CDK19: variants seen among roughly 807,000 people sequenced by gnomAD.
The protein encoded by CDK19 is cyclin dependent kinase 19.
A neutral mutation model predicts 68.3 loss-of-function variants in CDK19; 20 were observed. The observed-to-expected ratio is 0.29, with a 90% CI of 0.21 to 0.43. The LOEUF is 0.43. Ranked by LOEUF, CDK19 falls within the 20% of genes least tolerant of loss-of-function variation. The pLI, the probability that CDK19 is intolerant of heterozygous loss-of-function variation, is 1.00. For synonymous variants in CDK19, 221 were observed against 222.8 expected (o/e 0.99, Z 0.07); for missense variants, 339 against 623.5 (o/e 0.54, Z 4.86).
chr6:110,760,777 C>T (rs1583041011), intron 1 of CDK19, among the ~76,000 whole-genome samples: 1 of 152,154 alleles, frequency 6.6e-6, no homozygotes, highest in Non-Finnish European at 1.5e-5. Context: ...GAAGCAGGTA[C>T]TATTAACCAT....
chr6:110,814,868 T>C, intron 1 of CDK19, 141 bp downstream of exon 1: 1 of 1,104,526 alleles, frequency 9.1e-7, no homozygotes, highest in South Asian at 1.4e-5. Flanking sequence ...CCCCTCGGAG[T>C]CGGTGTCCGG....
intron 1 of CDK19, among the ~76,000 whole-genome samples, chr6:110,798,628 G>GAAAAAAAAA (rs59236293): frequency 3.0e-4 from 17 of 56,622 alleles, no homozygotes; most frequent in East Asian, 5.4e-4. Flanking sequence ...TCTGTCTCCA[G>GAAAAAAAAA]AAAAAAAAAA....
Position 110,641,607 on chromosome 6 carries a change from A to AG in CDK19, c.457-2902_457-2901insC, listed in dbSNP as rs200117089. Among the ~76,000 whole-genome samples the AG allele has an allele frequency of 0.018, 2,616 of 142,606 alleles. 320 individuals are homozygous for AG. The East Asian group carries it at 0.34, about 19-fold the overall frequency. The allele number at this position is 142,606 out of a possible 152,430, so 93.6% of individuals were successfully genotyped here. A position where few individuals can be genotyped will look rare whatever the true frequency, so the allele number is the denominator to read the frequency against. Reference sequence around the variant, plus strand: ...GAGACTCCATCAAAAAAAAAAAAAAAAAAGAAAAAGAAAGGAGAGGAAAGG... The same window carrying AG: ...GAGACTCCATCAAAAAAAAAAAAAAAGAAAGAAAAAGAAAGGAGAGGAAAGG... On this transcript the variant is annotated intron_variant, in intron 4 of 12. Coordinates refer to ENST00000368911, the MANE Select transcript of CDK19 (RefSeq NM_015076.5).
At chr6:110,668,692 C>T (rs958634400) in intron 3 of CDK19, among the ~76,000 whole-genome samples, 2 of 151,950 alleles carry the variant, frequency 1.3e-5, no homozygotes, top group East Asian at 1.9e-4. Context: ...ATTAGCTGGG[C>T]GTAGTGGTGT....
intron 2 of CDK19, among the ~76,000 whole-genome samples, chr6:110,676,704 T>G (rs1423035349): frequency 1.3e-5 from 2 of 152,198 alleles, no homozygotes; most frequent in African/African-American, 4.8e-5. Context: ...AATGTATTTT[T>G]TAATTAAGAT....
chr6:110,745,797 T>C (rs1778034113), intron 2 of CDK19, among the ~76,000 whole-genome samples: 2 of 151,884 alleles, frequency 1.3e-5, no homozygotes, highest in Non-Finnish European at 1.5e-5. Flanking sequence ...GGAGACCTCT[T>C]CTCTACAAAA....
At chr6:110,738,636 A>G (rs961429941) in intron 2 of CDK19, among the ~76,000 whole-genome samples, 6 of 152,202 alleles carry the variant, frequency 3.9e-5, no homozygotes, top group Non-Finnish European at 7.3e-5. Flanking sequence ...TAATAAAATA[A>G]TTTTAAGCTT....
At position 110,621,096 on chromosome 6, in the gene CDK19, G is replaced by C. The variant is rs1240133693; in HGVS notation, c.1377+8C>G. 6.2e-7 allele frequency: 1 copy of C among 1,608,672 alleles called. No homozygotes were observed. Among genetic ancestry groups the C allele is most frequent in the Admixed American group, 1.7e-5 (1 of 59,506 alleles). On this transcript the variant is annotated splice_region_variant and intron_variant, in intron 12 of 12. Coordinates refer to ENST00000368911, the MANE Select transcript of CDK19 (RefSeq NM_015076.5). The surrounding 1 kb of genome is among the most constrained non-coding windows in gnomAD (Gnocchi z 5.4). ...AAAGCATATGAACATTAGACATTCA[G>C]GGAGTACCTGATAATCCGAGGGCAT...
At chr6:110,767,075 G>A (rs1027127891) in intron 1 of CDK19, among the ~76,000 whole-genome samples, 2 of 151,946 alleles carry the variant, frequency 1.3e-5, no homozygotes, top group Admixed American at 1.3e-4. Flanking sequence ...GGAGGTTGCA[G>A]TGAGCCAAGA....
chr6:110,626,850 C>CA lies in CDK19; in HGVS notation c.791-6dup. 2 of 1,521,794 alleles carry CA rather than the reference C, an allele frequency of 1.3e-6. No homozygotes were observed. Among genetic ancestry groups the CA allele is most frequent in the Non-Finnish European group, 1.8e-6 (2 of 1,120,418 alleles). 94.3% of individuals were successfully genotyped at this position (1,521,794 alleles called of 1,614,324 possible). On this transcript the variant is annotated splice_region_variant and splice_polypyrimidine_tract_variant and intron_variant, in intron 7 of 12. Coordinates refer to ENST00000368911, the MANE Select transcript of CDK19 (RefSeq NM_015076.5). ...TAATATCTTCCCAGTCTTTATCTTA[C>CA]AAAAAAATTAAATATTGTTATAGAA...
At chr6:110,734,632 G>C (rs1582982060) in intron 2 of CDK19, among the ~76,000 whole-genome samples, 1 of 144,714 alleles carries the variant, frequency 6.9e-6, no homozygotes, top group Non-Finnish European at 1.5e-5. Context: ...CACCTGGCTA[G>C]CCCCTATTAG....
chr6:110,614,551 T>C lies in CDK19; in HGVS notation c.1493A>G (p.Gln498Arg), dbSNP rs1171590583. The change falls in exon 13 of 13, where the codon CAG becomes CGG. Residue 498 changes from glutamine to arginine, a missense_variant. Gln to Arg is a conservative substitution (Grantham distance 43). Transcript: ENST00000368911. ...GGGAGCTGGTCAGTACCGGTGGGCC[T>C]GGTGAGATGGGTGGTACTGTGAGCT... ...QQSSQYHPSH[Q>R]AHRY 1.2e-6 allele frequency: 2 copies of C among 1,613,916 alleles called. No homozygotes were observed. The highest frequency in any genetic ancestry group is 2.2e-5 in the South Asian group (2 of 91,058).
At chr6:110,787,268 G>C (rs1781287159) in intron 1 of CDK19, among the ~76,000 whole-genome samples, 1 of 152,046 alleles carries the variant, frequency 6.6e-6, no homozygotes, top group Non-Finnish European at 1.5e-5. Flanking sequence ...CAGCTACTTG[G>C]GAGGCTGAGG....
intron 4 of CDK19, among the ~76,000 whole-genome samples, chr6:110,651,767 C>T (rs1582782205): frequency 6.6e-6 from 1 of 152,116 alleles, no homozygotes. Flanking sequence ...TGAATAATAT[C>T]AAAACAATCA....
intron 1 of CDK19, among the ~76,000 whole-genome samples, chr6:110,778,773 TC>T (rs1269897226): frequency 6.6e-6 from 1 of 152,152 alleles, no homozygotes; most frequent in Non-Finnish European, 1.5e-5. Context: ...CTACGACTGG[TC>T]AATTAGCTAG....
intron 1 of CDK19, among the ~76,000 whole-genome samples, chr6:110,779,434 T>A (rs1273110002): frequency 6.6e-6 from 1 of 152,148 alleles, no homozygotes; most frequent in Non-Finnish European, 1.5e-5. Flanking sequence ...TATGAAACTA[T>A]AATGTAATGT....
chr6:110,611,693 G>A lies in CDK19; in HGVS notation c.*2842C>T, dbSNP rs1246655740. 2.0e-5 allele frequency: 3 copies of A among 152,494 alleles called. No individual in the cohort carries two copies. The highest frequency in any genetic ancestry group is 1.5e-5 in the Non-Finnish European group (1 of 68,228). The allele number at this position is 152,494 out of a possible 1,614,324, so 9.4% of individuals were successfully genotyped here. Reference sequence around the variant, plus strand: ...CCCAGCTACTCGGGAGGCTGAGGCAGGAGAATCACTTGAACCTGGAAGGTG... The same window carrying A: ...CCCAGCTACTCGGGAGGCTGAGGCAAGAGAATCACTTGAACCTGGAAGGTG... On this transcript the variant is annotated 3_prime_UTR_variant, in exon 13 of 13. Coordinates refer to ENST00000368911, the MANE Select transcript of CDK19 (RefSeq NM_015076.5).
intron 1 of CDK19, among the ~76,000 whole-genome samples, chr6:110,791,448 T>C (rs1335971739): frequency 6.6e-6 from 1 of 152,006 alleles, no homozygotes; most frequent in Non-Finnish European, 1.5e-5. Flanking sequence ...AGAACACAAC[T>C]ATTGGAAAAG....
At chr6:110,731,537 C>T (rs556422161) in intron 2 of CDK19, among the ~76,000 whole-genome samples, 3 of 152,168 alleles carry the variant, frequency 2.0e-5, no homozygotes, top group Admixed American at 6.5e-5. Context: ...GGTTGCACGA[C>T]GTGTGAAAAC....
Sources: allele counts gnomAD v4.1 joint callset (sites outside exome capture counted in the v4.1 genomes callset), GRCh38; gene constraint gnomAD v4.1.1; non-coding constraint Gnocchi (gnomAD v3.1); transcripts MANE v1.5; gene names NCBI Gene and HGNC (gene_info 2026-07-23, HGNC 2026-07-21).